Variants in ITPKA observed in about 807,000 individuals in gnomAD.
ITPKA encodes the protein IP3 3-kinase A.
Under a neutral mutation model 40.7 loss-of-function variants are expected in ITPKA, and 16 were observed. That is an observed-to-expected ratio of 0.39 (90% confidence interval 0.27 to 0.60). The LOEUF (loss-of-function observed/expected upper bound fraction) is 0.60, where lower values mean the gene tolerates loss of function less well. ITPKA is among the 20% of genes least tolerant of loss of function. ITPKA has a pLI of 0.50. For synonymous variants in ITPKA, 313 were observed against 289.9 expected (o/e 1.08, Z -0.81); for missense variants, 540 against 649.3 (o/e 0.83, Z 1.83).
In ITPKA at chr15:41,503,184, C is replaced by T. The variant is rs374862102; in HGVS notation, c.*18C>T. The T allele has an allele frequency of 7.8e-6, 12 of 1,542,530 alleles. No individual in the cohort carries two copies. In the African/African-American group the frequency reaches 1.1e-4, roughly 14 times the overall value. ...AGAGATGAGGCTGGACTCCTGTCCC[C>T]GCGGGCCGCTCACCTGACATGTGGA... On this transcript the variant is annotated 3_prime_UTR_variant, in exon 7 of 7. Coordinates refer to ENST00000260386, the MANE Select transcript of ITPKA (RefSeq NM_002220.3).
Position 41,502,464 on chromosome 15 carries a change from C to T in ITPKA, c.1071C>T (p.Arg357=). 4 of 1,602,884 alleles carry T rather than the reference C, an allele frequency of 2.5e-6. No individual in the cohort carries two copies. Among genetic ancestry groups the T allele is most frequent in the Non-Finnish European group, 3.4e-6 (4 of 1,170,478 alleles). The change falls in exon 5 of 7, where the codon CGC becomes CGT. Residue 357 remains arginine (R), a synonymous_variant. Transcript: ENST00000260386. The part of the protein sequence containing the change: ...KTTRSREQVL[R]VFEEFVQGDE... ...CGCGAAGCCGAGAGCAGGTGCTTCG[C>T]GTCTTTGAAGAGTTTGTGCAAGGAG...
chr15:41,499,328 G>A (rs1462417191), intron 1 of ITPKA, among the ~76,000 whole-genome samples: 2 of 152,228 alleles, frequency 1.3e-5, no homozygotes, highest in Non-Finnish European at 2.9e-5. Context: ...AAGGGCTTCA[G>A]TAGGAAAGTG....
In ITPKA at chr15:41,501,828, G is replaced by T. The variant is rs201725469; in HGVS notation, c.780G>T (p.Val260=). The change falls in exon 3 of 7, where the codon GTG becomes GTT. Residue 260 remains valine (V), a synonymous_variant. Transcript: ENST00000260386. The part of the protein sequence containing the change: ...DLLDGFDGPC[V]LDCKMGVRTY... ...TCGATGGCTTCGACGGACCTTGTGT[G>T]CTCGACTGCAAAATGGGCGTCAGGT... 453 of 1,613,342 alleles carry T rather than the reference G, an allele frequency of 2.8e-4. 2 individuals are homozygous for T. In the East Asian group the frequency reaches 8.2e-3, roughly 29 times the overall value.
Position 41,503,423 on chromosome 15 carries a change from C to A in ITPKA, c.*257C>A, listed in dbSNP as rs2051139920. The A allele has an allele frequency of 3.4e-6, 2 of 595,860 alleles. No homozygotes were observed. The highest frequency in any genetic ancestry group is 6.1e-6 in the Non-Finnish European group (2 of 326,730). 36.9% of individuals were successfully genotyped at this position (595,860 alleles called of 1,614,324 possible). A position where few individuals can be genotyped will look rare whatever the true frequency, so the allele number is the denominator to read the frequency against. ...GCAAAGGGCTTCTTCCTCAGGCCAG[C>A]TCTTCTGAGGAGGCTCTGCCCTCTC... On this transcript the variant is annotated 3_prime_UTR_variant, in exon 7 of 7. Coordinates refer to ENST00000260386, the MANE Select transcript of ITPKA (RefSeq NM_002220.3).
chr15:41,501,813 C>T lies in ITPKA; in HGVS notation c.765C>T (p.Phe255=), dbSNP rs976900154. 1.2e-6 allele frequency: 2 copies of T among 1,613,420 alleles called. No homozygotes were observed. Among genetic ancestry groups the T allele is most frequent in the Non-Finnish European group, 1.7e-6 (2 of 1,179,888 alleles). ...AGCTGCAGGACCTGCTCGATGGCTTCGACGGACCTTGTGTGCTCGACTGCA... is the reference window on the plus strand; with the variant it reads ...AGCTGCAGGACCTGCTCGATGGCTTTGACGGACCTTGTGTGCTCGACTGCA... ...YLQLQDLLDG[F]DGPCVLDCKM... The change falls in exon 3 of 7, where the codon TTC becomes TTT. Residue 255 remains phenylalanine, a synonymous_variant. Transcript: ENST00000260386.
At chr15:41,501,588 C>G in intron 2 of ITPKA, 29 bp downstream of exon 2, 1 of 1,568,316 alleles carries the variant, frequency 6.4e-7, no homozygotes, top group Non-Finnish European at 8.6e-7. Context: ...GGGCGGGTGC[C>G]CGCGACGGGA....
chr15:41,501,411 C>T lies in ITPKA; in HGVS notation c.490-52C>T, dbSNP rs1454503860. On this transcript the variant is annotated intron_variant, in intron 1 of 6. Coordinates refer to ENST00000260386, the MANE Select transcript of ITPKA (RefSeq NM_002220.3). The stretch of plus-strand genomic sequence containing the variant: ...AGACCCTGTTTCAGTGGAGGGAGGG[C>T]TTATGCATTGCCGAGACGCCGATTA... The T allele has an allele frequency of 3.2e-6, 5 of 1,557,170 alleles. No homozygotes were observed. In the African/African-American group the frequency reaches 6.8e-5, roughly 21 times the overall value.
At chr15:41,497,618 A>C (rs1183421335) in intron 1 of ITPKA, among the ~76,000 whole-genome samples, 1 of 152,214 alleles carries the variant, frequency 6.6e-6, no homozygotes, top group Non-Finnish European at 1.5e-5. Context: ...TGACACTTGC[A>C]CAACTCCTGC....
Position 41,501,493 on chromosome 15 carries a change from G to A in ITPKA, c.520G>A (p.Val174Ile), listed in dbSNP as rs1207892625. 1 of 1,605,784 alleles carries A rather than the reference G, an allele frequency of 6.2e-7. No individual in the cohort carries two copies. The highest frequency in any genetic ancestry group is 8.5e-7 in the Non-Finnish European group (1 of 1,177,514). The change falls in exon 2 of 7, where the codon GTC becomes ATC. Residue 174 changes from valine to isoleucine, a missense_variant. Physicochemically the swap from Val to Ile is conservative, Grantham distance 29. Transcript: ENST00000260386. The part of the protein sequence containing the change: ...KNHWQKIRTM[V>I]NLPVISPFKK... ...CCACTGGCAGAAGATCCGGACCATG[G>A]TCAATCTGCCGGTCATAAGCCCTTT...
intron 1 of ITPKA, among the ~76,000 whole-genome samples, chr15:41,496,440 G>C (rs970290389): frequency 6.6e-6 from 1 of 152,230 alleles, no homozygotes; most frequent in East Asian, 1.9e-4. Context: ...CCTGCCCAGA[G>C]CAGGGAAATT....
At chr15:41,502,293 C>G (rs552741011) in intron 4 of ITPKA, 92 bp downstream of exon 4, 17 of 1,310,958 alleles carry the variant, frequency 1.3e-5, no homozygotes, top group East Asian at 2.3e-5. Context: ...CCCCTCCGCC[C>G]TCTCCCACCG....
chr15:41,502,455 G>C lies in ITPKA; in HGVS notation c.1062G>C (p.Gln354His). ...TCAAGACTACGCGAAGCCGAGAGCAGGTGCTTCGCGTCTTTGAAGAGTTTG... is the reference window on the plus strand; with the variant it reads ...TCAAGACTACGCGAAGCCGAGAGCACGTGCTTCGCGTCTTTGAAGAGTTTG... ...TDFKTTRSRE[Q>H]VLRVFEEFVQ... is the part of the protein sequence containing the mutation. Residue 354 changes from glutamine (Q) to histidine (H), a missense_variant, in exon 5 of 7, where the codon CAG (glutamine) becomes CAC (histidine). Physicochemically the swap from Gln to His is conservative, Grantham distance 24. Coordinates refer to ENST00000260386, the MANE Select transcript of ITPKA (RefSeq NM_002220.3). The C allele has an allele frequency of 6.2e-7, 1 of 1,603,680 alleles. No individual in the cohort carries two copies. Among genetic ancestry groups the C allele is most frequent in the Admixed American group, 1.7e-5 (1 of 59,866 alleles).
At position 41,503,344 on chromosome 15, in the gene ITPKA, C is replaced by G. The variant is rs1287618195; in HGVS notation, c.*178C>G. 3.3e-6 allele frequency: 2 copies of G among 609,904 alleles called. No individual in the cohort carries two copies. The highest frequency in any genetic ancestry group is 5.8e-6 in the Non-Finnish European group (2 of 346,090). The allele number at this position is 609,904 out of a possible 1,614,324, so 37.8% of individuals were successfully genotyped here. ...CGCCGATGCCAGGGGTTTTGCCCAC[C>G]CGGGCCCCAGCGTTCCCAGAGCCAA... On this transcript the variant is annotated 3_prime_UTR_variant, in exon 7 of 7. Coordinates refer to ENST00000260386, the MANE Select transcript of ITPKA (RefSeq NM_002220.3).
chr15:41,502,170 C>G lies in ITPKA; in HGVS notation c.977C>G (p.Thr326Ser). ...TGGCGGGAAGGCATCAGCTCCAGCA[C>G]CACCCTCGGCTTCCGCATCGAGGGC... ...MQWREGISSS[T>S]TLGFRIEGIK... Residue 326 changes from threonine to serine, a missense_variant, in exon 4 of 7, where the codon ACC becomes AGC. Coordinates refer to ENST00000260386, the MANE Select transcript of ITPKA (RefSeq NM_002220.3). The G allele has an allele frequency of 6.3e-7, 1 of 1,590,760 alleles. No individual in the cohort carries two copies. The highest frequency in any genetic ancestry group is 8.6e-7 in the Non-Finnish European group (1 of 1,169,340).
At position 41,502,213 on chromosome 15, in the gene ITPKA, G is replaced by T; in HGVS notation, c.1008+12G>T. 6.4e-7 allele frequency: 1 copy of T among 1,556,716 alleles called. No homozygotes were observed. Reference sequence around the variant, plus strand: ...TCGAGGGCATCAAGGTGAGGCAGGCGCGCTTCGCTGGCACCGCCGCAGCCC... The same window carrying T: ...TCGAGGGCATCAAGGTGAGGCAGGCTCGCTTCGCTGGCACCGCCGCAGCCC... On this transcript the variant is annotated intron_variant, in intron 4 of 6. Coordinates refer to ENST00000260386, the MANE Select transcript of ITPKA (RefSeq NM_002220.3).
rs186987572 is a variant in ITPKA at position 41,497,801 on chromosome 15, C to G, written c.489+3385C>G. On this transcript the variant is annotated intron_variant, in intron 1 of 6. Transcript: ENST00000260386. The stretch of plus-strand genomic sequence containing the variant: ...TTGGGAGTCCAAGGCGGGAGGATCA[C>G]TTGAACCCCGGAGTTCGAGGCCAGC... Among the ~76,000 whole-genome samples, 10 of 152,260 alleles carry G rather than the reference C, an allele frequency of 6.6e-5. No homozygotes were observed. In the East Asian group the frequency reaches 1.9e-3, roughly 29 times the overall value.
rs1472258034 is a variant in ITPKA, at chr15:41,502,855, A to T, written c.1178A>T (p.His393Leu). 1 of 1,612,626 alleles carries T rather than the reference A, an allele frequency of 6.2e-7. No individual in the cohort carries two copies. Among genetic ancestry groups the T allele is most frequent in the African/African-American group, 1.3e-5 (1 of 74,908 alleles). ...TLEVSEFFRR[H>L]EVIGSSLLFV... ...GAGGTATCCGAGTTCTTCAGGAGGC[A>T]CGAGGTAAGCGGCGGCTGCCCGGGT... Residue 393 changes from histidine (H) to leucine (L), a missense_variant, in exon 6 of 7, where the codon CAC (histidine) becomes CTC (leucine). By Grantham distance (99) the His-to-Leu change is moderately conservative. Transcript: ENST00000260386.
chr15:41,501,646 G>A lies in ITPKA; in HGVS notation c.598G>A (p.Ala200Thr). Reference sequence around the variant, plus strand: ...ATGCCGGTCCTCAGGGAGTTTTAAGGCGGCGGGCACCAGCGGGCTGATCCT... The same window carrying A: ...ATGCCGGTCCTCAGGGAGTTTTAAGACGGCGGGCACCAGCGGGCTGATCCT... ...QLAGHTGSFK[A>T]AGTSGLILKR... is the part of the protein sequence containing the mutation. The change falls in exon 3 of 7, where the codon GCG (alanine) becomes ACG (threonine). Residue 200 changes from alanine (A) to threonine (T), a missense_variant. Coordinates refer to ENST00000260386, the MANE Select transcript of ITPKA (RefSeq NM_002220.3). 1 of 1,607,328 alleles carries A rather than the reference G, an allele frequency of 6.2e-7. No homozygotes were observed. The highest frequency in any genetic ancestry group is 2.2e-5 in the East Asian group (1 of 44,636).
chr15:41,502,584 G>A (rs1376138075), intron 5 of ITPKA, 81 bp downstream of exon 5: 13 of 976,340 alleles, frequency 1.3e-5, no homozygotes. Context: ...CAGTGCCCTC[G>A]GCTGTGTCCC....
Sources: allele counts gnomAD v4.1 joint callset (sites outside exome capture counted in the v4.1 genomes callset), GRCh38; gene constraint gnomAD v4.1.1; transcripts MANE v1.5; gene names NCBI Gene and HGNC (gene_info 2026-07-23, HGNC 2026-07-21).